GALNT14: variants seen among roughly 807,000 people sequenced by gnomAD.
The protein encoded by GALNT14 is UDP-GalNAc:polypeptide N-acetylgalactosaminyltransferase 14.
In GALNT14, 60 loss-of-function variants were observed where a neutral mutation model predicts 77.5. The ratio of observed to expected loss-of-function variants is 0.77; its 90% confidence interval spans 0.63 to 0.96. The LOEUF is 0.96. GALNT14 is among the 40% of genes least tolerant of loss of function. GALNT14 has a pLI of 0.00. For missense variants in GALNT14, 710 were observed against 731.0 expected (o/e 0.97, Z 0.33); for synonymous variants, 280 against 281.7 (o/e 0.99, Z 0.06).
intron 1 of GALNT14, among the ~76,000 whole-genome samples, chr2:31,087,551 A>G (rs1676509061): frequency 1.3e-5 from 2 of 151,378 alleles, no homozygotes; most frequent in African/African-American, 4.8e-5. Flanking sequence ...CTCTAGACCA[A>G]GTCCTTAGAA....
chr2:30,958,933 T>C (rs1667527119), intron 3 of GALNT14, among the ~76,000 whole-genome samples: 1 of 152,194 alleles, frequency 6.6e-6, no homozygotes, highest in Non-Finnish European at 1.5e-5. Context: ...TCCTCGCCAA[T>C]GCAAATAAAT....
chr2:31,085,303 C>T (rs1358179146), intron 1 of GALNT14, among the ~76,000 whole-genome samples: 1 of 152,174 alleles, frequency 6.6e-6, no homozygotes, highest in Non-Finnish European at 1.5e-5. Context: ...CCAGGGACAT[C>T]GGGGTACCCC....
At position 30,993,019 on chromosome 2, in the gene GALNT14, G is replaced by C. The variant is rs371371692; in HGVS notation, c.130-12C>G. On this transcript the variant is annotated splice_polypyrimidine_tract_variant and intron_variant, in intron 1 of 14. Coordinates refer to ENST00000349752, the MANE Select transcript of GALNT14 (RefSeq NM_024572.4). ...TCAGCGTCCGAAGGCTGCGTGACAC[G>C]AATGGGAAGTCTGTGAGAACGGCTC... 5 of 1,613,352 alleles carry C rather than the reference G, an allele frequency of 3.1e-6. No individual in the cohort carries two copies. Among genetic ancestry groups the C allele is most frequent in the Non-Finnish European group, 4.2e-6 (5 of 1,179,708 alleles).
At chr2:30,986,588 T>G (rs774880483) in intron 2 of GALNT14, among the ~76,000 whole-genome samples, 8 of 152,220 alleles carry the variant, frequency 5.3e-5, no homozygotes, top group Non-Finnish European at 1.2e-4. Context: ...TAGTTCTCTA[T>G]TGTATTAAAA....
At chr2:31,085,696 C>T (rs774074538) in intron 1 of GALNT14, among the ~76,000 whole-genome samples, 9 of 152,242 alleles carry the variant, frequency 5.9e-5, no homozygotes, top group Admixed American at 5.2e-4. Flanking sequence ...TGCGGGGACC[C>T]CTCAGCTCCT....
intron 2 of GALNT14, among the ~76,000 whole-genome samples, chr2:30,988,702 G>A (rs1021672328): frequency 2.0e-5 from 3 of 152,168 alleles, no homozygotes; most frequent in Non-Finnish European, 4.4e-5. Context: ...ACAGGCTGAT[G>A]CTCTGTGGTT....
chr2:31,042,635 A>G (rs1222396661), intron 1 of GALNT14, among the ~76,000 whole-genome samples: 1 of 152,074 alleles, frequency 6.6e-6, no homozygotes, highest in Non-Finnish European at 1.5e-5. Flanking sequence ...TGAGATGAAA[A>G]CCTTGGGGTA....
chr2:31,135,082 T>C (rs1429936034), intron 1 of GALNT14, among the ~76,000 whole-genome samples: 1 of 152,156 alleles, frequency 6.6e-6, no homozygotes, highest in African/African-American at 2.4e-5. Flanking sequence ...ATAAGCACAC[T>C]CAAGAAGAAA....
intron 9 of GALNT14, among the ~76,000 whole-genome samples, chr2:30,937,422 G>A (rs1385801983): frequency 6.6e-6 from 1 of 152,194 alleles, no homozygotes; most frequent in Non-Finnish European, 1.5e-5. Context: ...TCAACAGGAT[G>A]GCTTCTTTCT....
At chr2:31,027,666 C>T (rs1304917118) in intron 1 of GALNT14, among the ~76,000 whole-genome samples, 1 of 152,152 alleles carries the variant, frequency 6.6e-6, no homozygotes, top group Non-Finnish European at 1.5e-5. Flanking sequence ...AGGATTAGTA[C>T]ATACTATTAG....
intron 1 of GALNT14, among the ~76,000 whole-genome samples, chr2:31,116,254 A>T (rs1678102305): frequency 6.6e-6 from 1 of 152,186 alleles, no homozygotes; most frequent in Non-Finnish European, 1.5e-5. Context: ...AAATGGAGAA[A>T]GATAAAAATA....
At chr2:31,007,800 G>A (rs1319031265) in intron 1 of GALNT14, among the ~76,000 whole-genome samples, 1 of 152,256 alleles carries the variant, frequency 6.6e-6, no homozygotes, top group Admixed American at 6.5e-5. Context: ...AGATTCTGGA[G>A]ACAAAGAAAA....
chr2:31,073,945 T>A (rs1373926956), intron 1 of GALNT14, among the ~76,000 whole-genome samples: 1 of 152,180 alleles, frequency 6.6e-6, no homozygotes, highest in Non-Finnish European at 1.5e-5. Flanking sequence ...GGCCTCTGCC[T>A]TAGACCAGGC....
intron 1 of GALNT14, among the ~76,000 whole-genome samples, chr2:31,022,924 C>A (rs1000864025): frequency 1.3e-5 from 2 of 152,202 alleles, no homozygotes; most frequent in Admixed American, 6.5e-5. Context: ...TGCGCTCTGT[C>A]TGCTTATCCA....
Position 30,912,279 on chromosome 2 carries a change from AG to A in GALNT14, c.1443del (p.Leu482CysfsTer31). ...AGAACCACTGGGGCGCCAGGGAACAAGGTGATGACTGACAGGCACAGCTCCT... is the reference window on the plus strand; with the variant it reads ...AGAACCACTGGGGCGCCAGGGAACAAGTGATGACTGACAGGCACAGCTCCT... ...LQEELCLSVITLFPGAPVVLV... is the reference protein window; with the variant it reads ...LQEELCLSVIXLFPGAPVVLV... On this transcript the variant is annotated frameshift_variant, in exon 14 of 15. Transcript: ENST00000349752. LOFTEE classifies it high-confidence loss of function. 2 of 1,614,184 alleles carry A rather than the reference AG, an allele frequency of 1.2e-6. No individual in the cohort carries two copies. Among genetic ancestry groups the A allele is most frequent in the Non-Finnish European group, 1.7e-6 (2 of 1,180,016 alleles).
intron 2 of GALNT14, among the ~76,000 whole-genome samples, chr2:30,978,936 C>T (rs183057502): frequency 4.1e-4 from 63 of 152,306 alleles, no homozygotes; most frequent in African/African-American, 1.0e-3. Context: ...GAGGGGCAAG[C>T]GGTCTTCCTG....
chr2:31,132,116 G>A (rs1156454559), intron 1 of GALNT14, among the ~76,000 whole-genome samples: 1 of 152,124 alleles, frequency 6.6e-6, no homozygotes, highest in African/African-American at 2.4e-5. Context: ...CAGGGACCTG[G>A]GGGAGAGAGT....
chr2:30,923,046 A>T (rs1665128239), intron 13 of GALNT14, among the ~76,000 whole-genome samples: 1 of 149,336 alleles, frequency 6.7e-6, no homozygotes, highest in Non-Finnish European at 1.5e-5. Context: ...GAAGCCATAG[A>T]CAAACGTGCC....
intron 1 of GALNT14, among the ~76,000 whole-genome samples, chr2:31,099,873 T>G (rs1677178877): frequency 6.6e-6 from 1 of 152,146 alleles, no homozygotes; most frequent in South Asian, 2.1e-4. Flanking sequence ...TATTTACCTT[T>G]TTATTTGAAC....
Sources: allele counts gnomAD v4.1 joint callset (sites outside exome capture counted in the v4.1 genomes callset), GRCh38; gene constraint gnomAD v4.1.1; transcripts MANE v1.5; gene names NCBI Gene and HGNC (gene_info 2026-07-23, HGNC 2026-07-21).